Variants in NDST1 observed in about 807,000 individuals in gnomAD.
NDST1 encodes the protein N-deacetylase and N-sulfotransferase 1.
In NDST1, 35 loss-of-function variants were observed where a neutral mutation model predicts 92.8. That is an observed-to-expected ratio of 0.38 (90% CI 0.29 to 0.50). The LOEUF (loss-of-function observed/expected upper bound fraction) is 0.50. NDST1 is among the 20% of genes least tolerant of loss of function. The pLI, the probability that NDST1 is intolerant of heterozygous loss-of-function variation, is 0.94. For synonymous variants in NDST1, 493 were observed against 500.3 expected (o/e 0.99, Z 0.19); for missense variants, 822 against 1,182.7 (o/e 0.69, Z 4.47).
intron 1 of NDST1, among the ~76,000 whole-genome samples, chr5:150,514,542 C>T (rs543123879): frequency 2.4e-4 from 30 of 123,862 alleles, no homozygotes; most frequent in Non-Finnish European, 3.9e-4. Context: ...GCCTGGGTGA[C>T]AGAGTGAGAC....
chr5:150,528,710 G>A (rs899101102), intron 3 of NDST1, among the ~76,000 whole-genome samples: 9 of 152,154 alleles, frequency 5.9e-5, no homozygotes, highest in Non-Finnish European at 8.8e-5. Context: ...CAGGAGAATC[G>A]CTTGAACCCA....
In NDST1 at chr5:150,554,227, G is replaced by T. The variant is rs1395753023; in HGVS notation, c.*895G>T. The T allele has an allele frequency of 2.5e-6, 1 of 397,750 alleles. No homozygotes were observed. The highest frequency in any genetic ancestry group is 2.1e-5 in the African/African-American group (1 of 48,468). The allele number at this position is 397,750 out of a possible 1,614,324, so 24.6% of individuals were successfully genotyped here. ...AGCCACCTGTGGCCGAGGGCTCTCA[G>T]AGACCCCCTTAACCTCCCAAATACT... On this transcript the variant is annotated 3_prime_UTR_variant, in exon 15 of 15. Transcript: ENST00000261797.
intron 1 of NDST1, among the ~76,000 whole-genome samples, chr5:150,515,330 TCTC>T (rs939052870): frequency 1.3e-5 from 2 of 152,172 alleles, no homozygotes; most frequent in African/African-American, 4.8e-5. Context: ...TTATATAAAA[TCTC>T]CTGATTTAAA....
intron 3 of NDST1, among the ~76,000 whole-genome samples, chr5:150,529,453 C>T (rs971461118): frequency 1.3e-5 from 2 of 149,736 alleles, no homozygotes; most frequent in African/African-American, 2.5e-5. Context: ...ACTTTGCAGA[C>T]CACAAGATTT....
At chr5:150,500,195 C>CA (rs1753169105) in intron 1 of NDST1, among the ~76,000 whole-genome samples, 1 of 152,202 alleles carries the variant, frequency 6.6e-6, no homozygotes, top group South Asian at 2.1e-4. Flanking sequence ...GGGAAGCTTG[C>CA]AAAAATGCAT....
At chr5:150,503,412 C>T (rs1753316503), upstream of NDST1, among the ~76,000 whole-genome samples, 1 of 152,152 alleles carries the variant, frequency 6.6e-6, no homozygotes, top group African/African-American at 2.4e-5. Context: ...TGCCATTGCA[C>T]TCCAGCCTGG....
chr5:150,526,445 A>G (rs181593144), intron 2 of NDST1, among the ~76,000 whole-genome samples: 114 of 152,314 alleles, frequency 7.5e-4, no homozygotes, highest in African/African-American at 2.2e-3. Flanking sequence ...TTGAGCGTCT[A>G]TCTATGCCAG....
intron 2 of NDST1, among the ~76,000 whole-genome samples, chr5:150,527,395 C>A (rs1452773520): frequency 1.3e-5 from 2 of 152,214 alleles, no homozygotes; most frequent in African/African-American, 4.8e-5. Flanking sequence ...CATTTTACAG[C>A]AGAAACTGAG....
rs1178082652 is a variant in NDST1 at position 150,528,190 on chromosome 5, C to T, written c.900C>T (p.Phe300=). 1 of 1,614,238 alleles carries T rather than the reference C, an allele frequency of 6.2e-7. No individual in the cohort carries two copies. The highest frequency in any genetic ancestry group is 1.7e-5 in the Admixed American group (1 of 60,036). ...TTGTCTTCGTGGATGCCGTGGCCTT[C>T]CTCACGGGGAAGCGCCTCTCCCTGC... ...HKLVFVDAVA[F]LTGKRLSLPL... is the part of the protein sequence containing the mutation. Residue 300 remains phenylalanine (F), a synonymous_variant, in exon 3 of 15, where the codon TTC becomes TTT. Transcript: ENST00000261797.
intron 6 of NDST1, 77 bp downstream of exon 6, chr5:150,535,962 G>A (rs1561602016): frequency 6.7e-7 from 1 of 1,490,666 alleles, no homozygotes; most frequent in Non-Finnish European, 9.1e-7. Flanking sequence ...ACGCTGTCCT[G>A]GTAAGCACGG....
In NDST1 at chr5:150,542,815, G is replaced by T. The variant is rs931914440; in HGVS notation, c.1847-33G>T. Reference sequence around the variant, plus strand: ...ACTCTATCTTTTGGCTGGGGGCTGGGCCCTGGGTCTCAGGTGTCTACCCTC... The same window carrying T: ...ACTCTATCTTTTGGCTGGGGGCTGGTCCCTGGGTCTCAGGTGTCTACCCTC... On this transcript the variant is annotated intron_variant, in intron 9 of 14. Transcript: ENST00000261797. 4 of 1,613,688 alleles carry T rather than the reference G, an allele frequency of 2.5e-6. No homozygotes were observed. In the African/African-American group the frequency reaches 5.3e-5, roughly 22 times the overall value.
At chr5:150,502,359 G>C (rs193031328) in intron 1 of NDST1, among the ~76,000 whole-genome samples, 1 of 152,182 alleles carries the variant, frequency 6.6e-6, no homozygotes, top group Non-Finnish European at 1.5e-5. Context: ...TGGGGTGTGA[G>C]AATAGAGTGT....
Position 150,532,939 on chromosome 5 carries a change from T to A in NDST1, c.1009-6T>A. ...CACTCATTCCTTTCTCCCCTGCCTG[T>A]CCTAGGCCCTGTTTGACACACAGAA... On this transcript the variant is annotated splice_region_variant and splice_polypyrimidine_tract_variant and intron_variant, in intron 3 of 14. Coordinates refer to ENST00000261797, the MANE Select transcript of NDST1 (RefSeq NM_001543.5). The A allele has an allele frequency of 1.2e-6, 2 of 1,614,004 alleles. No homozygotes were observed. Among genetic ancestry groups the A allele is most frequent in the Non-Finnish European group, 1.7e-6 (2 of 1,179,848 alleles).
intron 14 of NDST1, among the ~76,000 whole-genome samples, chr5:150,552,205 G>T (rs1337739500): frequency 6.6e-6 from 1 of 152,062 alleles, no homozygotes; most frequent in African/African-American, 2.4e-5. Context: ...GTCAGAGAGG[G>T]CACACAAGTG....
At chr5:150,552,952 T>G (rs1389743504) in intron 14 of NDST1, among the ~76,000 whole-genome samples, 2 of 152,160 alleles carry the variant, frequency 1.3e-5, no homozygotes, top group Non-Finnish European at 2.9e-5. Context: ...GTTCAAAAGA[T>G]TCTCTTGCCT....
intron 13 of NDST1, 86 bp from the exon 14 acceptor site, chr5:150,551,667 C>T: frequency 6.6e-7 from 1 of 1,525,942 alleles, no homozygotes. Flanking sequence ...TGGTCTCTGC[C>T]ATTCCTGGGG....
At chr5:150,505,368 A>G (rs1241065898), upstream of NDST1, among the ~76,000 whole-genome samples, 1 of 152,144 alleles carries the variant, frequency 6.6e-6, no homozygotes, top group East Asian at 1.9e-4. Context: ...GTTTTCTGTT[A>G]TCTGTGGCTG....
At chr5:150,539,646 A>G in intron 7 of NDST1, 2 of 984,704 alleles carry the variant, frequency 2.0e-6, no homozygotes, top group Middle Eastern at 5.2e-4. Flanking sequence ...ACACACATAC[A>G]CAGATACACA....
At chr5:150,499,095 G>T (rs1753120306) in intron 1 of NDST1, among the ~76,000 whole-genome samples, 2 of 152,222 alleles carry the variant, frequency 1.3e-5, no homozygotes, top group African/African-American at 2.4e-5. Flanking sequence ...AGGGAAGTTG[G>T]CCTCTACTGA....
Sources: allele counts gnomAD v4.1 joint callset (sites outside exome capture counted in the v4.1 genomes callset), GRCh38; gene constraint gnomAD v4.1.1; transcripts MANE v1.5; gene names NCBI Gene and HGNC (gene_info 2026-07-23, HGNC 2026-07-21).